The following CHL1 variants were observed in gnomAD, a reference collection of about 807,000 sequenced individuals.
CHL1 encodes the protein neural cell adhesion molecule L1-like protein.
CHL1 carries 96 observed loss-of-function variants against 141.9 expected under a neutral mutation model. The ratio of observed to expected loss-of-function variants is 0.68; its 90% CI spans 0.57 to 0.80. The LOEUF (loss-of-function observed/expected upper bound fraction) is 0.80, where lower values mean the gene tolerates loss of function less well. Among genes scored for constraint, CHL1 ranks in the 30% least tolerant of loss-of-function variants. The pLI, the probability that CHL1 is intolerant of heterozygous loss-of-function variation, is 0.00. For missense variants in CHL1, 1,820 were observed against 1,457.2 expected, an observed-to-expected ratio of 1.25 and a Z score of -4.05; for synonymous variants, 613 against 502.2, an observed-to-expected ratio of 1.22 and a Z score of -2.95.
At chr3:360,859 G>A (rs1371637938) in intron 12 of CHL1, among the ~76,000 whole-genome samples, 6 of 148,592 alleles carry the variant, frequency 4.0e-5, no homozygotes, top group African/African-American at 1.3e-4. Flanking sequence ...TTTTGTTCTT[G>A]CGATAGTTTA....
At chr3:292,717 C>A (rs1002521963) in intron 2 of CHL1, among the ~76,000 whole-genome samples, 3 of 152,160 alleles carry the variant, frequency 2.0e-5, no homozygotes, top group Admixed American at 6.5e-5. Context: ...CCACAGGGAG[C>A]TTTTACTCAT....
chr3:233,067 G>T (rs1273359572), intron 1 of CHL1, among the ~76,000 whole-genome samples: 1 of 151,078 alleles, frequency 6.6e-6, no homozygotes, highest in Non-Finnish European at 1.5e-5. Flanking sequence ...AACCTTAAAG[G>T]TATCTGAGGA....
In CHL1 at chr3:400,586, C is replaced by CTTTTT. The variant is rs11374109; in HGVS notation, c.3386-1029_3386-1025dup. Among the ~76,000 whole-genome samples, 757 of 139,534 alleles carry CTTTTT rather than the reference C, an allele frequency of 5.4e-3. 20 individuals carry two copies. The highest frequency in any genetic ancestry group is 0.019 in the African/African-American group (681 of 36,678). 91.5% of individuals were successfully genotyped at this position (139,534 alleles called of 152,430 possible). A position where few individuals can be genotyped will look rare whatever the true frequency, so the allele number is the denominator to read the frequency against. ...AGGAAGAACAATTTGTATTTGAGGG[C>CTTTTT]TTTTTTTTTTTTTTTAAGTAAAGGG... On this transcript the variant is annotated intron_variant, in intron 26 of 27. Transcript: ENST00000256509.
At chr3:328,699 T>TAC (rs1225364993) in intron 5 of CHL1, among the ~76,000 whole-genome samples, 1 of 152,178 alleles carries the variant, frequency 6.6e-6, no homozygotes, top group African/African-American at 2.4e-5. Flanking sequence ...AACATAAAGT[T>TAC]ATTCCCCGAT....
chr3:386,819 A>T (rs980417919), intron 19 of CHL1, among the ~76,000 whole-genome samples: 4 of 152,314 alleles, frequency 2.6e-5, no homozygotes, highest in East Asian at 1.9e-4. Flanking sequence ...AATTAAATGA[A>T]ATATTGTATA....
At chr3:256,457 T>C (rs1019471296) in intron 2 of CHL1, among the ~76,000 whole-genome samples, 1 of 152,086 alleles carries the variant, frequency 6.6e-6, no homozygotes, top group Non-Finnish European at 1.5e-5. Context: ...AAAAAGGCCT[T>C]AGAGTAGTGG....
chr3:257,742 T>C (rs1463101379), intron 2 of CHL1, among the ~76,000 whole-genome samples: 1 of 152,192 alleles, frequency 6.6e-6, no homozygotes, highest in Non-Finnish European at 1.5e-5. Flanking sequence ...AATTCATGTA[T>C]TTTTTATGTA....
chr3:339,619 G>A (rs1353811), intron 5 of CHL1, among the ~76,000 whole-genome samples: 99,359 of 152,058 alleles, frequency 0.65, 33,213 homozygotes, highest in Non-Finnish European at 0.73. Flanking sequence ...TTAAGCCTTG[G>A]AAGGTCCTTG....
intron 12 of CHL1, among the ~76,000 whole-genome samples, chr3:361,498 C>A (rs2125264220): frequency 6.6e-6 from 1 of 152,074 alleles, no homozygotes; most frequent in East Asian, 1.9e-4. Flanking sequence ...TATCCAGAAT[C>A]TACAATGAAC....
intron 3 of CHL1, among the ~76,000 whole-genome samples, chr3:323,417 C>A (rs4685588): frequency 6.6e-6 from 1 of 151,704 alleles, no homozygotes; most frequent in Non-Finnish European, 1.5e-5. Context: ...ATTCAGTGAG[C>A]GGGTATTTTT....
intron 2 of CHL1, among the ~76,000 whole-genome samples, chr3:276,672 G>A (rs162729): frequency 0.54 from 81,192 of 151,690 alleles, 24,873 homozygotes; most frequent in East Asian, 0.82. Flanking sequence ...GGCGGATCAC[G>A]AGGTCAGGAG....
rs772552850 is a variant in CHL1, at chr3:361,692, C to G, written c.1307-7C>G. On this transcript the variant is annotated splice_region_variant and splice_polypyrimidine_tract_variant and intron_variant, in intron 12 of 27. Coordinates refer to ENST00000256509, the MANE Select transcript of CHL1 (RefSeq NM_006614.4). Reference sequence around the variant, plus strand: ...TTTAAAACTGCGTTTATGTTATTTTCAAATAGATGTCCGTCCATTGATACA... The same window carrying G: ...TTTAAAACTGCGTTTATGTTATTTTGAAATAGATGTCCGTCCATTGATACA... 1.3e-6 allele frequency: 2 copies of G among 1,594,548 alleles called. No individual in the cohort carries two copies. The highest frequency in any genetic ancestry group is 4.5e-5 in the East Asian group (2 of 44,752).
At chr3:355,004 A>G (rs1191396361) in intron 11 of CHL1, among the ~76,000 whole-genome samples, 1 of 152,206 alleles carries the variant, frequency 6.6e-6, no homozygotes, top group Admixed American at 6.5e-5. Context: ...ATTATATATA[A>G]GAATAAAGAT....
intron 15 of CHL1, among the ~76,000 whole-genome samples, chr3:375,680 A>G (rs1013634928): frequency 1.3e-5 from 2 of 152,154 alleles, no homozygotes; most frequent in Admixed American, 6.5e-5. Flanking sequence ...CTCTCTGAGC[A>G]CATACTCTGC....
chr3:214,321 C>T (rs1470116693), intron 1 of CHL1, among the ~76,000 whole-genome samples: 6 of 152,098 alleles, frequency 3.9e-5, no homozygotes, highest in South Asian at 4.1e-4. Context: ...TAAGGCTATT[C>T]TCTAGACACA....
intron 16 of CHL1, among the ~76,000 whole-genome samples, chr3:379,603 G>C (rs1321519203): frequency 6.6e-6 from 1 of 151,946 alleles, no homozygotes; most frequent in East Asian, 1.9e-4. Context: ...CTACTGCTTG[G>C]TGCTCCCCTT....
intron 2 of CHL1, among the ~76,000 whole-genome samples, chr3:276,804 G>A (rs1446970677): frequency 6.7e-6 from 1 of 148,390 alleles, no homozygotes; most frequent in Non-Finnish European, 1.5e-5. Flanking sequence ...CAGGAGAATA[G>A]CGTGAACCTG....
At chr3:392,616 T>A (rs1708321825) in intron 23 of CHL1, among the ~76,000 whole-genome samples, 1 of 152,208 alleles carries the variant, frequency 6.6e-6, no homozygotes, top group Admixed American at 6.5e-5. Flanking sequence ...AATTTTAGGC[T>A]TTCAAGACAT....
chr3:311,186 T>C (rs1432959407), intron 2 of CHL1, among the ~76,000 whole-genome samples: 1 of 152,188 alleles, frequency 6.6e-6, no homozygotes, highest in Non-Finnish European at 1.5e-5. Context: ...TAAACATCCA[T>C]GTACAAGTTT....
Sources: gnomAD v4.1 joint callset for allele counts (sites outside exome capture counted in the v4.1 genomes callset) on GRCh38, gnomAD v4.1.1 for gene constraint, MANE v1.5 for transcripts, NCBI Gene and HGNC (gene_info 2026-07-23, HGNC 2026-07-21) for gene names.